Variants in ZDHHC20 observed in about 807,000 individuals in gnomAD.
ZDHHC20 encodes the protein zDHHC palmitoyltransferase 20.
Under a neutral mutation model 57.8 loss-of-function variants are expected in ZDHHC20, and 43 were observed. That is an observed-to-expected ratio of 0.74 (90% CI 0.58 to 0.96). ZDHHC20 has a LOEUF of 0.96. ZDHHC20 is among the 40% of genes least tolerant of loss of function. The probability of loss-of-function intolerance (pLI) is 0.00; values close to 1 mark genes in which losing one functional copy is unlikely to be tolerated. For missense variants in ZDHHC20, 391 were observed against 441.1 expected, an observed-to-expected ratio of 0.89 and a Z score of 1.02; for synonymous variants, 157 against 153.0, an observed-to-expected ratio of 1.03 and a Z score of -0.19.
chr13:21,457,032 T>C (rs1315849620), intron 1 of ZDHHC20, among the ~76,000 whole-genome samples: 1 of 152,230 alleles, frequency 6.6e-6, no homozygotes, highest in Non-Finnish European at 1.5e-5. Context: ...GAGATACCTA[T>C]GCTGTGACAT....
chr13:21,448,448 C>T (rs1230851403), intron 1 of ZDHHC20, among the ~76,000 whole-genome samples: 3 of 107,470 alleles, frequency 2.8e-5, no homozygotes, highest in Admixed American at 8.9e-5. Context: ...GCCAGCCGCC[C>T]CGTCCGGGAA....
At chr13:21,404,381 T>C in intron 4 of ZDHHC20, 1 of 471,474 alleles carries the variant, frequency 2.1e-6, no homozygotes, top group Non-Finnish European at 4.3e-6. Context: ...ATTAGATCTT[T>C]CAAACTCAAT....
intron 1 of ZDHHC20, among the ~76,000 whole-genome samples, chr13:21,441,312 G>GT (rs571252468): frequency 1.5e-4 from 22 of 147,436 alleles, no homozygotes; most frequent in African/African-American, 3.7e-4. Flanking sequence ...CATTTTTCTT[G>GT]TTTTTTTTTC....
intron 1 of ZDHHC20, among the ~76,000 whole-genome samples, chr13:21,450,220 T>C (rs997593577): frequency 1.3e-5 from 2 of 152,086 alleles, no homozygotes; most frequent in African/African-American, 4.8e-5. Flanking sequence ...AGCAGAGATG[T>C]CAAGTAAACA....
chr13:21,417,684 C>G (rs1880157068), intron 3 of ZDHHC20, among the ~76,000 whole-genome samples: 1 of 152,126 alleles, frequency 6.6e-6, no homozygotes, highest in South Asian at 2.1e-4. Context: ...GGTGATCCAC[C>G]TGCCTCGGCC....
At chr13:21,448,576 C>A (rs1884101282) in intron 1 of ZDHHC20, among the ~76,000 whole-genome samples, 1 of 93,206 alleles carries the variant, frequency 1.1e-5, no homozygotes, top group African/African-American at 3.4e-5. Context: ...GGCCAGCCGC[C>A]CCGTCCGGGA....
intron 1 of ZDHHC20, among the ~76,000 whole-genome samples, chr13:21,450,621 G>C (rs1349695150): frequency 1.3e-5 from 2 of 152,152 alleles, no homozygotes; most frequent in Non-Finnish European, 2.9e-5. Context: ...AAGTAAAAGA[G>C]AAGGCTAAGG....
In ZDHHC20 at chr13:21,391,744, A is replaced by T. The variant is rs1180125266; in HGVS notation, c.705T>A (p.Val235=). ...LSLFSYHCWL[V]GKNRTTIESF... The stretch of plus-strand genomic sequence containing the variant: ...TACCTATTGTTGTTCTATTTTTTCC[A>T]ACTAGCCAGCAGTGGTAGCTGAAAA... Residue 235 remains valine (V), a synonymous_variant, in exon 8 of 13, where the codon GTT becomes GTA. Coordinates refer to ENST00000400590, the MANE Select transcript of ZDHHC20 (RefSeq NM_001330059.2). 1 of 1,609,410 alleles carries T rather than the reference A, an allele frequency of 6.2e-7. No individual in the cohort carries two copies.
In ZDHHC20 at chr13:21,450,584, A is replaced by C. The variant is rs144452619; in HGVS notation, c.118+8470T>G. On this transcript the variant is annotated intron_variant, in intron 1 of 12. Coordinates refer to ENST00000400590, the MANE Select transcript of ZDHHC20 (RefSeq NM_001330059.2). ...TTAACTCACTAGTAGTCATGAGAAA[A>C]AAAACTTTTTCTTCAAAAATAACAA... Among the ~76,000 whole-genome samples the C allele has an allele frequency of 5.5e-3, 838 of 152,322 alleles. 8 individuals are homozygous for C. The highest frequency in any genetic ancestry group is 0.019 in the African/African-American group (775 of 41,566).
intron 3 of ZDHHC20, among the ~76,000 whole-genome samples, chr13:21,417,247 C>T (rs375991895): frequency 6.6e-6 from 1 of 151,682 alleles, no homozygotes. Context: ...TATCATATTA[C>T]CATGTTATTT....
chr13:21,416,989 A>G (rs1305979014), intron 3 of ZDHHC20, among the ~76,000 whole-genome samples: 4 of 152,222 alleles, frequency 2.6e-5, no homozygotes, highest in African/African-American at 9.7e-5. Flanking sequence ...TCAGCTATTC[A>G]CATGCTGCCG....
At chr13:21,440,322 A>G (rs1883010884) in intron 1 of ZDHHC20, among the ~76,000 whole-genome samples, 1 of 152,136 alleles carries the variant, frequency 6.6e-6, no homozygotes, top group Non-Finnish European at 1.5e-5. Flanking sequence ...TTAAAAATTT[A>G]AGATACGGCA....
In ZDHHC20 at chr13:21,373,408, C is replaced by T. The variant is rs898844393; in HGVS notation, c.*3288G>A. ...TAAACATTGCATATTTGATTTAAACCACCTTACAGTTAAATTCACTCATGA... is the reference window on the plus strand; with the variant it reads ...TAAACATTGCATATTTGATTTAAACTACCTTACAGTTAAATTCACTCATGA... On this transcript the variant is annotated 3_prime_UTR_variant, in exon 13 of 13. Transcript: ENST00000400590. 1.3e-5 allele frequency: 2 copies of T among 152,116 alleles called. No individual in the cohort carries two copies. Among genetic ancestry groups the T allele is most frequent in the African/African-American group, 4.8e-5 (2 of 41,420 alleles). The allele number at this position is 152,116 out of a possible 1,614,324, so 9.4% of individuals were successfully genotyped here.
rs575751903 is a variant in ZDHHC20, at chr13:21,419,883, T to C, written c.249+1178A>G. ...GAAGTTGATACTATTTTTAAACATATGGTCTATAATTTTTAATGATTTTGA... is the reference window on the plus strand; with the variant it reads ...GAAGTTGATACTATTTTTAAACATACGGTCTATAATTTTTAATGATTTTGA... On this transcript the variant is annotated intron_variant, in intron 3 of 12. Transcript: ENST00000400590. Among the ~76,000 whole-genome samples, 14 of 152,368 alleles carry C rather than the reference T, an allele frequency of 9.2e-5. No homozygotes were observed. In the East Asian group the frequency reaches 2.5e-3, roughly 27 times the overall value.
chr13:21,381,688 C>A, intron 10 of ZDHHC20, 139 bp from the exon 11 acceptor site: 1 of 630,306 alleles, frequency 1.6e-6, no homozygotes. Flanking sequence ...TCTGAAAAAA[C>A]TATCTTCAAA....
At position 21,378,544 on chromosome 13, in the gene ZDHHC20, C is replaced by A. The variant is rs780761775; in HGVS notation, c.*40+117G>T. The A allele has an allele frequency of 2.6e-4, 118 of 452,778 alleles. 1 individual carries two copies. The highest frequency in any genetic ancestry group is 3.8e-4 in the Non-Finnish European group (105 of 273,194). The allele number at this position is 452,778 out of a possible 1,614,324, so 28.0% of individuals were successfully genotyped here. ...TTACATTCTAGTCTTTCCTGTACTG[C>A]CTAATTTTGCTGATATAATTAAAAA... On this transcript the variant is annotated intron_variant, in intron 12 of 12. Transcript: ENST00000400590.
intron 4 of ZDHHC20, among the ~76,000 whole-genome samples, chr13:21,408,303 T>TG (rs780480344): frequency 5.3e-5 from 8 of 152,228 alleles, no homozygotes; most frequent in Non-Finnish European, 1.2e-4. Context: ...CCTTGAGCAG[T>TG]GGTTTGTAGT....
Position 21,374,500 on chromosome 13 carries a change from G to A in ZDHHC20, c.*2196C>T. 2.2e-6 allele frequency: 1 copy of A among 451,592 alleles called. No individual in the cohort carries two copies. The highest frequency in any genetic ancestry group is 4.5e-6 in the Non-Finnish European group (1 of 224,540). 28.0% of individuals were successfully genotyped at this position (451,592 alleles called of 1,614,324 possible). A position where few individuals can be genotyped will look rare whatever the true frequency, so the allele number is the denominator to read the frequency against. On this transcript the variant is annotated 3_prime_UTR_variant, in exon 13 of 13. Coordinates refer to ENST00000400590, the MANE Select transcript of ZDHHC20 (RefSeq NM_001330059.2). Reference sequence around the variant, plus strand: ...TCCGCCAGCCTTGGCCTCCCAAAGTGCTGGGATTACAGGCATGAGCCACCA... The same window carrying A: ...TCCGCCAGCCTTGGCCTCCCAAAGTACTGGGATTACAGGCATGAGCCACCA...
At chr13:21,429,893 T>C (rs1009592595) in intron 1 of ZDHHC20, among the ~76,000 whole-genome samples, 35 of 152,214 alleles carry the variant, frequency 2.3e-4, no homozygotes, top group Non-Finnish European at 7.3e-5. Flanking sequence ...TGCTGTTCAG[T>C]TGACTTTTTA....
Sources: allele counts gnomAD v4.1 joint callset (sites outside exome capture counted in the v4.1 genomes callset), GRCh38; gene constraint gnomAD v4.1.1; transcripts MANE v1.5; gene names NCBI Gene and HGNC (gene_info 2026-07-23, HGNC 2026-07-21).